KIF25: variants seen among roughly 807,000 people sequenced by gnomAD.
KIF25 encodes the protein kinesin family member 25.
In KIF25, 19 loss-of-function variants were observed where a neutral mutation model predicts 32.9. The ratio of observed to expected loss-of-function variants is 0.58; its 90% CI spans 0.40 to 0.85. The LOEUF (loss-of-function observed/expected upper bound fraction) is 0.85. KIF25 is among the 40% of genes least tolerant of loss of function. The pLI is 0.00. For synonymous variants in KIF25, 225 were observed against 213.7 expected (o/e 1.05, Z -0.46); for missense variants, 485 against 507.0 (o/e 0.96, Z 0.42).
chr6:168,035,853 G>GT, intron 8 of KIF25: 1 of 441,106 alleles, frequency 2.3e-6, no homozygotes, highest in Admixed American at 2.4e-5. Flanking sequence ...CACCTTCGTC[G>GT]TTTGCAGAAA....
intron 4 of KIF25, among the ~76,000 whole-genome samples, chr6:168,010,013 T>G (rs984889613): frequency 1.3e-5 from 2 of 152,008 alleles, no homozygotes; most frequent in African/African-American, 4.8e-5. Flanking sequence ...TTTTAAAAAT[T>G]AACTTTGTTT....
chr6:168,042,945 T>C (rs56236345), intron 12 of KIF25, among the ~76,000 whole-genome samples: 3,559 of 152,198 alleles, frequency 0.023, 165 homozygotes, highest in African/African-American at 0.082. Context: ...GCCTCCTGGT[T>C]GGGGCTCAGT....
At chr6:167,999,427 A>G (rs755413389) in intron 2 of KIF25, 107 bp downstream of exon 2, 1 of 152,444 alleles carries the variant, frequency 6.6e-6, no homozygotes, top group Non-Finnish European at 1.5e-5. Flanking sequence ...GTCCCAAAGC[A>G]GGACATTCTC....
intron 5 of KIF25, among the ~76,000 whole-genome samples, chr6:168,019,974 A>C (rs958601227): frequency 3.3e-5 from 5 of 152,128 alleles, no homozygotes; most frequent in African/African-American, 1.2e-4. Context: ...TCTACCAAAA[A>C]TACAAAAATT....
chr6:168,043,715 G>A (rs1481280597), intron 12 of KIF25, among the ~76,000 whole-genome samples: 1 of 152,336 alleles, frequency 6.6e-6, no homozygotes, highest in South Asian at 2.1e-4. Context: ...TCTCAGGGGC[G>A]GCACCGTGGG....
chr6:168,039,174 T>A lies in KIF25; in HGVS notation c.494+445T>A, dbSNP rs986750448. 9.9e-5 allele frequency among the ~76,000 whole-genome samples: 15 copies of A among 152,198 alleles called. No individual in the cohort carries two copies. The East Asian group carries it at 1.2e-3, about 12-fold the overall frequency. On this transcript the variant is annotated intron_variant, in intron 9 of 12. Coordinates refer to ENST00000643607, the MANE Select transcript of KIF25 (RefSeq NM_030615.4). ...AAAATTAAAATAAATAAATGTATCT[T>A]TAAAAAAACCTTCATAAGAGCCCCT...
Position 168,040,218 on chromosome 6 carries a change from T to G in KIF25, c.646+2T>G, listed in dbSNP as rs377759510. ...CAGCCTCCTGCTCTGACAGCACTGG[T>G]AAGTCACCATTTGTGCTTGGTCAGT... On this transcript the variant is annotated splice_donor_variant, in intron 10 of 12. Coordinates refer to ENST00000643607, the MANE Select transcript of KIF25 (RefSeq NM_030615.4). LOFTEE classifies it high-confidence loss of function. 17 of 1,609,332 alleles carry G rather than the reference T, an allele frequency of 1.1e-5. No individual in the cohort carries two copies. The highest frequency in any genetic ancestry group is 1.4e-5 in the Non-Finnish European group (17 of 1,177,808).
chr6:168,008,529 T>C (rs1798606716), intron 4 of KIF25, among the ~76,000 whole-genome samples: 1 of 152,216 alleles, frequency 6.6e-6, no homozygotes, highest in Admixed American at 6.5e-5. Context: ...GCTTTGTTCT[T>C]TTTTCTCAGC....
At chr6:168,010,671 T>C (rs1167929607) in intron 4 of KIF25, among the ~76,000 whole-genome samples, 2 of 152,170 alleles carry the variant, frequency 1.3e-5, no homozygotes, top group African/African-American at 4.8e-5. Context: ...CCAATGTTTC[T>C]TTGTTGATTT....
rs1798909183 is a variant in KIF25, at chr6:168,029,516, T to C, written c.-70T>C. The C allele has an allele frequency of 6.4e-7, 1 of 1,562,638 alleles. No homozygotes were observed. Among genetic ancestry groups the C allele is most frequent in the Non-Finnish European group, 8.6e-7 (1 of 1,156,996 alleles). ...GATATACTGGCCTTCCCAGCTGACA[T>C]GGACCTCAGGTCAGCTTCAGCGTGA... On this transcript the variant is annotated 5_prime_UTR_variant, in exon 6 of 13. It removes an upstream start codon present in the reference 5' UTR. Transcript: ENST00000643607.
rs537452845 is a variant in KIF25 at position 167,997,725 on chromosome 6, G to A, written c.-1744G>A. ...GACCTGAGATCCCATGAAATTTAAT[G>A]TAAAGTCTCAGGGTTTGATTTTGCA... On this transcript the variant is annotated 5_prime_UTR_variant, in exon 1 of 13. The change abolishes an upstream ATG in the 5' untranslated region. Transcript: ENST00000643607. 1.3e-5 allele frequency among the ~76,000 whole-genome samples: 2 copies of A among 152,144 alleles called. No individual in the cohort carries two copies. Among genetic ancestry groups the A allele is most frequent in the East Asian group, 3.9e-4 (2 of 5,166 alleles).
chr6:168,042,180 GGTGGGTGCTGCAGAAGCCTAT>G (rs759221584), intron 11 of KIF25, 29 bp downstream of exon 11: 13 of 1,540,580 alleles, frequency 8.4e-6, no homozygotes, highest in Middle Eastern at 4.6e-4. Flanking sequence ...TTCCCTGGGG[GGTGGGTGCTGCAGAAGCCTAT>G]GATCTGATGG....
intron 4 of KIF25, among the ~76,000 whole-genome samples, chr6:168,009,230 G>C (rs1798616275): frequency 6.7e-6 from 1 of 149,182 alleles, no homozygotes; most frequent in African/African-American, 2.4e-5. Context: ...TTATATTGAG[G>C]TTGTTTTTTT....
intron 5 of KIF25, among the ~76,000 whole-genome samples, chr6:168,027,454 C>CAAA (rs757678230): frequency 9.0e-4 from 80 of 88,902 alleles, no homozygotes; most frequent in African/African-American, 2.7e-3. Context: ...ACTCTGTCTC[C>CAAA]AAAAAAAAAA....
chr6:168,012,480 C>G (rs973500753), intron 4 of KIF25, among the ~76,000 whole-genome samples: 3 of 152,146 alleles, frequency 2.0e-5, no homozygotes, highest in Non-Finnish European at 4.4e-5. Context: ...AACAGTGATG[C>G]GGCTTTTCCA....
At chr6:168,040,305 C>A (rs1799100365) in intron 10 of KIF25, 89 bp downstream of exon 10, 1 of 1,325,554 alleles carries the variant, frequency 7.5e-7, no homozygotes, top group East Asian at 2.6e-5. Flanking sequence ...GTGGCTCACG[C>A]CTGTAATCCC....
rs369931779 is a variant in KIF25 at position 168,005,157 on chromosome 6, G to A, written c.-163+1454G>A. On this transcript the variant is annotated intron_variant, in intron 4 of 12. Coordinates refer to ENST00000643607, the MANE Select transcript of KIF25 (RefSeq NM_030615.4). ...TCACAGGCAAGCCTGGCATGCACGA[G>A]CTGACTGTCACAGGCATTGTTGGGA... Among the ~76,000 whole-genome samples the A allele has an allele frequency of 9.3e-4, 142 of 152,318 alleles. 1 individual carries two copies. Among genetic ancestry groups the A allele is most frequent in the African/African-American group, 3.3e-3 (137 of 41,570 alleles).
intron 5 of KIF25, among the ~76,000 whole-genome samples, chr6:168,024,835 G>A (rs1798838193): frequency 6.6e-6 from 1 of 152,132 alleles, no homozygotes; most frequent in Non-Finnish European, 1.5e-5. Flanking sequence ...TGGATCACCT[G>A]AGGTCAGGAG....
intron 6 of KIF25, 68 bp downstream of exon 6, chr6:168,029,745 C>T (rs1353791935): frequency 1.2e-5 from 18 of 1,516,196 alleles, no homozygotes; most frequent in Non-Finnish European, 1.6e-5. Flanking sequence ...ATGGGGCTCA[C>T]TTTTCTATTC....
Sources: allele counts gnomAD v4.1 joint callset (sites outside exome capture counted in the v4.1 genomes callset), GRCh38; gene constraint gnomAD v4.1.1; transcripts MANE v1.5; gene names NCBI Gene and HGNC (gene_info 2026-07-23, HGNC 2026-07-21).